The following EYS variants were observed in gnomAD, a reference collection of about 807,000 sequenced individuals.
The protein encoded by EYS is protein eyes shut homolog.
EYS carries 250 observed loss-of-function variants against 282.1 expected under a neutral mutation model. The ratio of observed to expected loss-of-function variants is 0.89; its 90% CI spans 0.80 to 0.98. The LOEUF is 0.98. Ranked by LOEUF, EYS falls within the 50% of genes least tolerant of loss-of-function variation. The pLI is 0.00. For missense variants in EYS, 4,016 were observed against 3,709.0 expected (o/e 1.08, Z -2.15); for synonymous variants, 1,355 against 1,282.9 (o/e 1.06, Z -1.20).
At chr6:65,156,430 T>C (rs1581964059) in intron 12 of EYS, among the ~76,000 whole-genome samples, 1 of 151,342 alleles carries the variant, frequency 6.6e-6, no homozygotes, top group African/African-American at 2.4e-5. Flanking sequence ...CCATATTTTC[T>C]GGACTTCCTC....
At chr6:65,389,048 A>G (rs958149907) in intron 7 of EYS, among the ~76,000 whole-genome samples, 1 of 152,084 alleles carries the variant, frequency 6.6e-6, no homozygotes, top group African/African-American at 2.4e-5. Flanking sequence ...TACCCAGTTT[A>G]CTATACTGTA....
rs1019674344 is a variant in EYS at position 65,580,483 on chromosome 6, A to T, written c.-333+59295T>A. 2.0e-5 allele frequency among the ~76,000 whole-genome samples: 3 copies of T among 152,116 alleles called. No homozygotes were observed. In the South Asian group the frequency reaches 6.2e-4, roughly 31 times the overall value. On this transcript the variant is annotated intron_variant, in intron 2 of 42. Coordinates refer to ENST00000503581, the MANE Select transcript of EYS (RefSeq NM_001142800.2). The stretch of plus-strand genomic sequence containing the variant: ...AGAGACTAAGAAGATTTAGGACAAT[A>T]AATGTAAGAATTCTCTTTTAATTGA...
intron 19 of EYS, among the ~76,000 whole-genome samples, chr6:64,843,052 A>T (rs1175476778): frequency 6.6e-6 from 1 of 152,152 alleles, no homozygotes; most frequent in Non-Finnish European, 1.5e-5. Context: ...CTAGAAGGAA[A>T]AAATGGTTTC....
At chr6:64,107,259 A>ATATG (rs1191905073) in intron 31 of EYS, among the ~76,000 whole-genome samples, 1,331 of 124,938 alleles carry the variant, frequency 0.011, 31 homozygotes, top group African/African-American at 0.035. Flanking sequence ...ATATATATAT[A>ATATG]TGTGTGTGTG....
intron 31 of EYS, among the ~76,000 whole-genome samples, chr6:64,085,257 T>C (rs977595251): frequency 6.6e-6 from 1 of 151,910 alleles, no homozygotes; most frequent in Non-Finnish European, 1.5e-5. Context: ...ATTATAGGCG[T>C]GAGTCACCCT....
chr6:64,811,197 G>A (rs1764580381), intron 22 of EYS, among the ~76,000 whole-genome samples: 1 of 151,954 alleles, frequency 6.6e-6, no homozygotes, highest in Non-Finnish European at 1.5e-5. Context: ...GTGTAGCGTG[G>A]AGTCCCAGTA....
chr6:64,100,970 C>A (rs1772805312), intron 31 of EYS, among the ~76,000 whole-genome samples: 1 of 152,108 alleles, frequency 6.6e-6, no homozygotes, highest in Admixed American at 6.6e-5. Flanking sequence ...TGATTTTGTT[C>A]AGGCACAAAG....
At chr6:64,597,479 G>A (rs1766623760) in intron 24 of EYS, among the ~76,000 whole-genome samples, 1 of 152,060 alleles carries the variant, frequency 6.6e-6, no homozygotes, top group African/African-American at 2.4e-5. Flanking sequence ...AGTGAAGGCT[G>A]GATCAAGAAA....
chr6:65,236,504 G>A (rs971337856), intron 12 of EYS, among the ~76,000 whole-genome samples: 3 of 151,962 alleles, frequency 2.0e-5, no homozygotes, highest in African/African-American at 7.3e-5. Flanking sequence ...CTAGCCACTA[G>A]GGAGGCCGAG....
chr6:64,020,411 T>G (rs929526748), intron 33 of EYS, among the ~76,000 whole-genome samples: 2 of 152,310 alleles, frequency 1.3e-5, no homozygotes, highest in African/African-American at 4.8e-5. Context: ...TACATAAACA[T>G]ACACATTTGT....
intron 5 of EYS, among the ~76,000 whole-genome samples, chr6:65,418,711 T>A (rs760418364): frequency 1.3e-5 from 2 of 151,518 alleles, no homozygotes; most frequent in Non-Finnish European, 2.9e-5. Flanking sequence ...CTGTTGGGGG[T>A]TGGTAGGTGA....
chr6:65,287,775 T>C (rs1240044726), intron 12 of EYS, among the ~76,000 whole-genome samples: 1 of 151,272 alleles, frequency 6.6e-6, no homozygotes, highest in Non-Finnish European at 1.5e-5. Flanking sequence ...TTTTGCCTTT[T>C]TATGGGAAGA....
chr6:65,393,188 G>T (rs1389439164), intron 7 of EYS, among the ~76,000 whole-genome samples: 1 of 151,906 alleles, frequency 6.6e-6, no homozygotes, highest in African/African-American at 2.4e-5. Flanking sequence ...GGGGGGACGG[G>T]GGAGGGATAG....
intron 19 of EYS, among the ~76,000 whole-genome samples, chr6:64,837,054 A>G (rs1362161622): frequency 1.3e-5 from 2 of 151,768 alleles, no homozygotes; most frequent in African/African-American, 4.8e-5. Context: ...CATGTGATCA[A>G]ATCCTATGAA....
At chr6:65,399,639 T>A (rs1276789315) in intron 7 of EYS, among the ~76,000 whole-genome samples, 1 of 152,040 alleles carries the variant, frequency 6.6e-6, no homozygotes, top group East Asian at 1.9e-4. Flanking sequence ...GGCTGAAGAT[T>A]AACCATTTAA....
chr6:64,553,545 A>AAC (rs1765150929), intron 26 of EYS, among the ~76,000 whole-genome samples: 12 of 46,474 alleles, frequency 2.6e-4, no homozygotes, highest in Non-Finnish European at 3.6e-4. Flanking sequence ...CTTTTGTTTG[A>AAC]CCCCCCCCCC....
intron 3 of EYS, 68 bp downstream of exon 3, chr6:65,495,791 C>T: frequency 3.7e-6 from 1 of 271,754 alleles, no homozygotes; most frequent in Non-Finnish European, 7.1e-6. Context: ...TTGATCTGGT[C>T]AAGCTTTATA....
At chr6:65,544,095 A>G (rs1276612382) in intron 2 of EYS, among the ~76,000 whole-genome samples, 1 of 151,838 alleles carries the variant, frequency 6.6e-6, no homozygotes, top group Non-Finnish European at 1.5e-5. Flanking sequence ...CCTATATGGA[A>G]GATCTGTTTT....
At chr6:64,025,073 C>T (rs1388555774) in intron 33 of EYS, among the ~76,000 whole-genome samples, 1 of 152,144 alleles carries the variant, frequency 6.6e-6, no homozygotes, top group Non-Finnish European at 1.5e-5. Flanking sequence ...CATCAGACGC[C>T]TTTCACTTGC....
Sources: allele counts gnomAD v4.1 joint callset (sites outside exome capture counted in the v4.1 genomes callset), GRCh38; gene constraint gnomAD v4.1.1; transcripts MANE v1.5; gene names NCBI Gene and HGNC (gene_info 2026-07-23, HGNC 2026-07-21).